Variants in SH3RF2 observed in about 807,000 individuals in gnomAD.
SH3RF2 encodes E3 ubiquitin-protein ligase SH3RF2.
Under a neutral mutation model 59.0 loss-of-function variants are expected in SH3RF2, and 43 were observed. The observed-to-expected ratio is 0.73, with a 90% confidence interval of 0.57 to 0.94. The LOEUF (loss-of-function observed/expected upper bound fraction) is 0.94. Ranked by LOEUF, SH3RF2 falls within the 40% of genes least tolerant of loss-of-function variation. SH3RF2 has a pLI of 0.00. For missense variants in SH3RF2, 930 were observed against 940.1 expected (o/e 0.99, Z 0.14); for synonymous variants, 391 against 391.5 (o/e 1.00, Z 0.01).
At chr5:146,074,371 G>T (rs12374539) in intron 9 of SH3RF2, among the ~76,000 whole-genome samples, 34,147 of 151,740 alleles carry the variant, frequency 0.23, 4,798 homozygotes, top group Admixed American at 0.33. Context: ...GATGAACATA[G>T]GGAAGATGCC....
intron 8 of SH3RF2, among the ~76,000 whole-genome samples, chr5:146,058,271 G>T (rs1227064677): frequency 2.0e-5 from 3 of 152,160 alleles, no homozygotes; most frequent in Non-Finnish European, 4.4e-5. Flanking sequence ...ATGTCTGCCT[G>T]GTGCTGCTTT....
chr5:145,950,527 TAGAG>T (rs1159755090), intron 2 of SH3RF2, among the ~76,000 whole-genome samples: 2 of 151,476 alleles, frequency 1.3e-5, no homozygotes, highest in Non-Finnish European at 2.9e-5. Context: ...TGTAGGTAAA[TAGAG>T]AGGGAAACAG....
intron 2 of SH3RF2, among the ~76,000 whole-genome samples, chr5:145,992,101 A>G (rs1033498943): frequency 6.6e-6 from 1 of 152,100 alleles, no homozygotes; most frequent in African/African-American, 2.4e-5. Flanking sequence ...GCCTGGTGCA[A>G]TGCCTCACGC....
At chr5:145,966,282 G>A (rs1758852460) in intron 2 of SH3RF2, among the ~76,000 whole-genome samples, 1 of 152,190 alleles carries the variant, frequency 6.6e-6, no homozygotes, top group Middle Eastern at 3.2e-3. Context: ...GGCAAAGAGG[G>A]ATGACAGTGG....
At chr5:146,035,049 T>C (rs1761882054) in intron 5 of SH3RF2, among the ~76,000 whole-genome samples, 1 of 150,794 alleles carries the variant, frequency 6.6e-6, no homozygotes, top group Admixed American at 6.6e-5. Context: ...GAGATTGCAG[T>C]GAGCTGAGAT....
intron 2 of SH3RF2, among the ~76,000 whole-genome samples, chr5:145,974,933 T>TA (rs948969527): frequency 6.6e-6 from 1 of 152,118 alleles, no homozygotes; most frequent in Admixed American, 6.5e-5. Context: ...ACCACCCAAT[T>TA]AAAAAAATAG....
At chr5:146,022,603 G>A (rs577010518) in intron 5 of SH3RF2, among the ~76,000 whole-genome samples, 9 of 152,250 alleles carry the variant, frequency 5.9e-5, no homozygotes, top group Admixed American at 2.0e-4. Context: ...GCCAGGCACG[G>A]TGGCTCATGC....
At chr5:145,970,030 C>T (rs544808361) in intron 2 of SH3RF2, among the ~76,000 whole-genome samples, 2 of 152,154 alleles carry the variant, frequency 1.3e-5, no homozygotes, top group Admixed American at 6.5e-5. Context: ...CTCATATTGC[C>T]TAATAATGAT....
downstream of SH3RF2, among the ~76,000 whole-genome samples, chr5:146,064,470 A>T (rs551125393): frequency 1.3e-5 from 2 of 151,416 alleles, no homozygotes; most frequent in East Asian, 3.9e-4. Flanking sequence ...GTTGTGATTT[A>T]ACATTTATTG....
intron 2 of SH3RF2, among the ~76,000 whole-genome samples, chr5:145,962,256 A>G (rs972221094): frequency 1.3e-5 from 2 of 152,190 alleles, no homozygotes; most frequent in African/African-American, 2.4e-5. Context: ...GGCCTGAGCA[A>G]AACTACCAGG....
chr5:145,974,675 G>C (rs1208653504), intron 2 of SH3RF2, among the ~76,000 whole-genome samples: 1 of 152,166 alleles, frequency 6.6e-6, no homozygotes, highest in Non-Finnish European at 1.5e-5. Flanking sequence ...CGTGAAGCAA[G>C]TTTCCTGAGG....
At chr5:146,023,105 AC>A (rs1349744110) in intron 5 of SH3RF2, among the ~76,000 whole-genome samples, 1 of 152,156 alleles carries the variant, frequency 6.6e-6, no homozygotes, top group African/African-American at 2.4e-5. Flanking sequence ...CATTAAAAAA[AC>A]AAAGTCACTT....
chr5:145,940,447 G>A (rs1007757450), intron 2 of SH3RF2, among the ~76,000 whole-genome samples: 15 of 152,136 alleles, frequency 9.9e-5, no homozygotes, highest in Admixed American at 9.8e-4. Context: ...AACCATGAAA[G>A]CAACCATGCA....
chr5:146,012,019 G>T (rs1760923640), intron 4 of SH3RF2, among the ~76,000 whole-genome samples: 1 of 152,110 alleles, frequency 6.6e-6, no homozygotes, highest in African/African-American at 2.4e-5. Context: ...CTGTGGGTTT[G>T]TCATAAATAG....
At chr5:145,993,722 C>T (rs944307858) in intron 2 of SH3RF2, among the ~76,000 whole-genome samples, 14 of 152,236 alleles carry the variant, frequency 9.2e-5, no homozygotes, top group South Asian at 2.1e-4. Flanking sequence ...ACCCTGGGCC[C>T]GGCCCATGAA....
At chr5:146,049,310 G>T in intron 7 of SH3RF2, 65 bp downstream of exon 7, 1 of 1,523,132 alleles carries the variant, frequency 6.6e-7, no homozygotes, top group Non-Finnish European at 8.8e-7. Flanking sequence ...CCATCTGTGG[G>T]TTGAACTGGT....
intron 8 of SH3RF2, among the ~76,000 whole-genome samples, chr5:146,057,549 C>T (rs1489345714): frequency 6.6e-6 from 1 of 152,194 alleles, no homozygotes; most frequent in Admixed American, 6.5e-5. Context: ...TGTCAGGAAA[C>T]ATTAGTTTTT....
chr5:146,046,131 T>C (rs1762294812), intron 5 of SH3RF2, among the ~76,000 whole-genome samples: 1 of 152,184 alleles, frequency 6.6e-6, no homozygotes, highest in African/African-American at 2.4e-5. Flanking sequence ...CGTACACACC[T>C]CTAGAGTTCA....
intron 9 of SH3RF2, among the ~76,000 whole-genome samples, chr5:146,073,819 G>A (rs577109084): frequency 3.3e-4 from 50 of 152,248 alleles, no homozygotes; most frequent in African/African-American, 1.2e-3. Flanking sequence ...CATGTCAGAT[G>A]TTATGAAAGA....
Sources: allele counts gnomAD v4.1 joint callset (sites outside exome capture counted in the v4.1 genomes callset), GRCh38; gene constraint gnomAD v4.1.1; transcripts MANE v1.5; gene names NCBI Gene and HGNC (gene_info 2026-07-23, HGNC 2026-07-21).